Variants in DPP6 observed in about 807,000 individuals in gnomAD.
DPP6 encodes dipeptidyl peptidase like 6, also known as A-type potassium channel modulatory protein DPP6.
In DPP6, 69 loss-of-function variants were observed where a neutral mutation model predicts 122.6. The observed-to-expected ratio is 0.56, with a 90% CI of 0.46 to 0.69. DPP6 has a LOEUF of 0.69. DPP6 is among the 30% of genes least tolerant of loss of function. The pLI is 0.00. For missense variants in DPP6, 928 were observed against 1,116.9 expected (o/e 0.83, Z 2.41); for synonymous variants, 418 against 433.1 (o/e 0.97, Z 0.43).
chr7:154,582,135 G>C (rs1309469471), intron 5 of DPP6, among the ~76,000 whole-genome samples: 2 of 152,142 alleles, frequency 1.3e-5, no homozygotes, highest in Admixed American at 6.5e-5. Context: ...TGCACTCCTC[G>C]TCCTGGTGGA....
At chr7:154,355,020 G>A (rs1811161322) in intron 1 of DPP6, among the ~76,000 whole-genome samples, 1 of 152,168 alleles carries the variant, frequency 6.6e-6, no homozygotes, top group African/African-American at 2.4e-5. Context: ...GCCCTTGGGA[G>A]GGGTGAGGCT....
chr7:154,327,637 G>A (rs1264344349), intron 1 of DPP6, among the ~76,000 whole-genome samples: 1 of 152,036 alleles, frequency 6.6e-6, no homozygotes, highest in African/African-American at 2.4e-5. Context: ...TTTCAAAGAC[G>A]GAACTAGAAT....
At chr7:154,369,219 C>T (rs1374281007) in intron 1 of DPP6, among the ~76,000 whole-genome samples, 2 of 151,978 alleles carry the variant, frequency 1.3e-5, no homozygotes, top group Non-Finnish European at 2.9e-5. Context: ...CTCAGCCTCC[C>T]AAATAGCTGG....
rs941512948 is a variant in DPP6 at position 154,513,191 on chromosome 7, A to T, written c.458-27341A>T. Among the ~76,000 whole-genome samples the T allele has an allele frequency of 3.9e-5, 6 of 152,242 alleles. No homozygotes were observed. The South Asian group carries it at 1.2e-3, about 32-fold the overall frequency. ...ATAGGGCCATTTTTGCTGGGAATGG[A>T]ATGATTTTCCATATCTTCTATTCCA... On this transcript the variant is annotated intron_variant, in intron 3 of 25. Coordinates refer to ENST00000377770, the MANE Select transcript of DPP6 (RefSeq NM_130797.4).
chr7:154,586,322 C>G (rs1339119131), intron 5 of DPP6, among the ~76,000 whole-genome samples: 1 of 152,178 alleles, frequency 6.6e-6, no homozygotes, highest in Admixed American at 6.5e-5. Context: ...GACAGAGGAG[C>G]TTTCCCAGGA....
At chr7:154,215,007 C>T (rs569548555) in intron 1 of DPP6, among the ~76,000 whole-genome samples, 3 of 152,224 alleles carry the variant, frequency 2.0e-5, no homozygotes, top group East Asian at 1.9e-4. Context: ...GTTAGCCCCC[C>T]GGTTGCCTTT....
intron 1 of DPP6, among the ~76,000 whole-genome samples, chr7:154,113,835 CT>C (rs1325493225): frequency 6.6e-6 from 1 of 152,116 alleles, no homozygotes; most frequent in African/African-American, 2.4e-5. Context: ...TTGGAAGAGA[CT>C]GTTATTTTCC....
At chr7:153,833,506 T>C in the DPP6 span, among the ~76,000 whole-genome samples, 3 of 152,060 alleles carry the variant, frequency 2.0e-5, no homozygotes, top group African/African-American at 7.2e-5. Flanking sequence ...AAACCCCGTC[T>C]CTACTAAAAA....
At chr7:154,022,985 C>T (rs1239133415) in intron 1 of DPP6, among the ~76,000 whole-genome samples, 1 of 152,148 alleles carries the variant, frequency 6.6e-6, no homozygotes, top group Non-Finnish European at 1.5e-5. Flanking sequence ...AGCCAATTCC[C>T]CTTCTCCTCC....
intron 22 of DPP6, among the ~76,000 whole-genome samples, chr7:154,886,091 CCTT>C (rs1806126153): frequency 1.3e-5 from 2 of 152,358 alleles, no homozygotes; most frequent in Admixed American, 6.5e-5. Context: ...GGGCCGCCCT[CCTT>C]CTCTGCTCCC....
At chr7:153,887,115 GGC>G (rs149953046) in exon 1 of DPP6, 12 of 152,454 alleles carry the variant, frequency 7.9e-5, no homozygotes, top group Non-Finnish European at 1.3e-4. Flanking sequence ...CAGAAAACCT[GGC>G]GCGCGCGCGC....
chr7:154,656,473 G>A, intron 6 of DPP6, among the ~76,000 whole-genome samples: 1 of 152,132 alleles, frequency 6.6e-6, no homozygotes, highest in Admixed American at 6.5e-5. Flanking sequence ...CGCAGCATGT[G>A]CAGGGAGAGA....
chr7:154,292,779 C>T (rs1196903890), intron 1 of DPP6, among the ~76,000 whole-genome samples: 3 of 152,184 alleles, frequency 2.0e-5, no homozygotes, highest in East Asian at 3.9e-4. Flanking sequence ...TCCAATAGCT[C>T]ATAGGAAATC....
chr7:154,302,812 G>A (rs142885483), intron 1 of DPP6, among the ~76,000 whole-genome samples: 8 of 152,282 alleles, frequency 5.3e-5, no homozygotes, highest in Admixed American at 6.5e-5. Context: ...TTTAGGTCAG[G>A]GGCCCTGGAA....
rs148858403 is a variant in DPP6 at position 154,419,534 on chromosome 7, G to A, written c.244-26680G>A. Among the ~76,000 whole-genome samples, 768 of 152,284 alleles carry A rather than the reference G, an allele frequency of 5.0e-3. 4 individuals carry two copies. The highest frequency in any genetic ancestry group is 8.1e-3 in the Non-Finnish European group (548 of 68,020). ...CACATTTGCATTTGCGGGGAGAGGCGTGCCTGCTGTTGTGCACTTCACCAG... is the reference window on the plus strand; with the variant it reads ...CACATTTGCATTTGCGGGGAGAGGCATGCCTGCTGTTGTGCACTTCACCAG... On this transcript the variant is annotated intron_variant, in intron 1 of 25. Coordinates refer to ENST00000377770, the MANE Select transcript of DPP6 (RefSeq NM_130797.4).
intron 1 of DPP6, among the ~76,000 whole-genome samples, chr7:153,894,181 T>C (rs1230070667): frequency 6.6e-6 from 1 of 152,218 alleles, no homozygotes; most frequent in Non-Finnish European, 1.5e-5. Context: ...AGGATTTTAT[T>C]GGGTATGACA....
At chr7:154,356,830 A>G (rs1811307246) in intron 1 of DPP6, among the ~76,000 whole-genome samples, 1 of 152,316 alleles carries the variant, frequency 6.6e-6, no homozygotes, top group Admixed American at 6.5e-5. Flanking sequence ...ATAAAGAATA[A>G]AAAGAACAAA....
intron 1 of DPP6, among the ~76,000 whole-genome samples, chr7:153,910,234 C>CTTTTTTTTT (rs111816561): frequency 2.9e-5 from 4 of 137,748 alleles, no homozygotes; most frequent in East Asian, 2.1e-4. Flanking sequence ...TTCTTTCTTT[C>CTTTTTTTTT]TTTTTTTTTT....
At chr7:154,793,776 AC>A in intron 10 of DPP6, 1 of 253,488 alleles carries the variant, frequency 3.9e-6, no homozygotes, top group Non-Finnish European at 7.6e-6. Flanking sequence ...GAGAGACGAG[AC>A]CTCAAAACCC....
Sources: allele counts gnomAD v4.1 joint callset (sites outside exome capture counted in the v4.1 genomes callset), GRCh38; gene constraint gnomAD v4.1.1; transcripts MANE v1.5; gene names NCBI Gene and HGNC (gene_info 2026-07-23, HGNC 2026-07-21).